NTRK3: variants seen among roughly 807,000 people sequenced by gnomAD.
The protein encoded by NTRK3 is NT-3 growth factor receptor.
NTRK3 carries 24 observed loss-of-function variants against 91.7 expected under a neutral mutation model. The observed-to-expected ratio is 0.26, with a 90% CI of 0.19 to 0.37. The LOEUF is 0.37. Among genes scored for constraint, NTRK3 ranks in the 10% least tolerant of loss-of-function variants. The pLI is 1.00. For missense variants in NTRK3, 880 were observed against 1,068.9 expected, an observed-to-expected ratio of 0.82 and a Z score of 2.46; for synonymous variants, 483 against 404.0, an observed-to-expected ratio of 1.20 and a Z score of -2.34.
chr15:88,215,469 G>A (rs778950154), intron 3 of NTRK3, among the ~76,000 whole-genome samples: 11 of 152,196 alleles, frequency 7.2e-5, no homozygotes, highest in African/African-American at 9.6e-5. Flanking sequence ...CCCCTGAAAC[G>A]TTCCGTGCTA....
At chr15:88,155,117 T>A (rs1245531789) in intron 5 of NTRK3, among the ~76,000 whole-genome samples, 1 of 152,214 alleles carries the variant, frequency 6.6e-6, no homozygotes, top group African/African-American at 2.4e-5. Flanking sequence ...AATCTGTGAA[T>A]AGGTTAACTT....
Position 87,943,845 on chromosome 15 carries a change from G to A in NTRK3, c.1586-3092C>T, listed in dbSNP as rs548312822. On this transcript the variant is annotated intron_variant, in intron 14 of 18. Transcript: ENST00000394480. The stretch of plus-strand genomic sequence containing the variant: ...GGAGTGGGGAAGCTGTGACAGCTGT[G>A]AGCCTTGAAGGTAGCAGAGGGCAAG... Among the ~76,000 whole-genome samples the A allele has an allele frequency of 2.6e-5, 4 of 152,132 alleles. No individual in the cohort carries two copies. The East Asian group carries it at 7.8e-4, about 30-fold the overall frequency.
At chr15:88,184,910 G>A (rs1241633825) in intron 3 of NTRK3, among the ~76,000 whole-genome samples, 2 of 152,138 alleles carry the variant, frequency 1.3e-5, no homozygotes, top group Non-Finnish European at 2.9e-5. Flanking sequence ...CAGAGAGTGG[G>A]GGCCACCTAA....
In NTRK3 at chr15:88,009,561, G is replaced by A. The variant is rs558711795; in HGVS notation, c.1585+23296C>T. Among the ~76,000 whole-genome samples, 5 of 152,284 alleles carry A rather than the reference G, an allele frequency of 3.3e-5. No individual in the cohort carries two copies. The South Asian group carries it at 8.3e-4, about 25-fold the overall frequency. Reference sequence around the variant, plus strand: ...GTGTGAACCTTGTCAAGTTTTACTTGCTAGCAACCAATTCAAAAAGAATGA... The same window carrying A: ...GTGTGAACCTTGTCAAGTTTTACTTACTAGCAACCAATTCAAAAAGAATGA... On this transcript the variant is annotated intron_variant, in intron 14 of 18. Coordinates refer to ENST00000394480, the Ensembl canonical transcript of NTRK3.
intron 13 of NTRK3, among the ~76,000 whole-genome samples, chr15:88,040,748 C>A (rs1278245848): frequency 6.6e-6 from 1 of 152,066 alleles, no homozygotes; most frequent in Non-Finnish European, 1.5e-5. Context: ...GACAGAACCC[C>A]AAGGATGCTG....
intron 9 of NTRK3, 151 bp downstream of exon 9, chr15:88,135,748 T>G: frequency 9.3e-7 from 1 of 1,075,698 alleles, no homozygotes; most frequent in East Asian, 2.6e-5. Context: ...AGGACTTACT[T>G]CTCAGTCCTG....
At chr15:88,109,759 T>G (rs2051127100) in intron 13 of NTRK3, among the ~76,000 whole-genome samples, 1 of 152,036 alleles carries the variant, frequency 6.6e-6, no homozygotes, top group African/African-American at 2.4e-5. Flanking sequence ...ACCCACTGGC[T>G]GGGGGAGTAG....
intron 5 of NTRK3, among the ~76,000 whole-genome samples, chr15:88,173,776 G>C (rs1490788771): frequency 6.6e-6 from 1 of 152,236 alleles, no homozygotes; most frequent in African/African-American, 2.4e-5. Context: ...AGGCTGACCA[G>C]AGTTGGCCTT....
At chr15:87,925,072 T>C (rs77318151) in intron 17 of NTRK3, among the ~76,000 whole-genome samples, 1,584 of 152,284 alleles carry the variant, frequency 0.01, 31 homozygotes, top group African/African-American at 0.036. Context: ...CTTAGAAAGA[T>C]ATAATGGTAC....
intron 14 of NTRK3, among the ~76,000 whole-genome samples, chr15:87,973,630 C>A (rs1027624761): frequency 2.0e-5 from 3 of 152,110 alleles, no homozygotes; most frequent in Non-Finnish European, 2.9e-5. Flanking sequence ...CATCAGCCAG[C>A]ATTAAAGATT....
At chr15:88,041,131 C>G (rs1219053571) in intron 13 of NTRK3, among the ~76,000 whole-genome samples, 1 of 152,192 alleles carries the variant, frequency 6.6e-6, no homozygotes, top group African/African-American at 2.4e-5. Flanking sequence ...GATATGCCAG[C>G]TCCCCTGTGA....
intron 3 of NTRK3, among the ~76,000 whole-genome samples, chr15:88,189,875 A>C (rs1292421046): frequency 6.6e-6 from 1 of 152,188 alleles, no homozygotes; most frequent in Admixed American, 6.5e-5. Context: ...ATTTTAATTA[A>C]AAATATGTCA....
At chr15:88,041,299 T>C (rs2079583991) in intron 13 of NTRK3, among the ~76,000 whole-genome samples, 1 of 152,302 alleles carries the variant, frequency 6.6e-6, no homozygotes, top group East Asian at 1.9e-4. Flanking sequence ...CCTTTACACT[T>C]GTACTTCCTT....
chr15:87,899,177 G>C (rs2066307069), intron 17 of NTRK3, among the ~76,000 whole-genome samples: 1 of 152,122 alleles, frequency 6.6e-6, no homozygotes, highest in Non-Finnish European at 1.5e-5. Context: ...ATAAGGTAAG[G>C]GATTGGATTT....
rs535130414 is a variant in NTRK3, at chr15:88,041,365, G to A, written c.1397-8320C>T. 3.3e-5 allele frequency among the ~76,000 whole-genome samples: 5 copies of A among 152,282 alleles called. No individual in the cohort carries two copies. The South Asian group carries it at 8.3e-4, about 25-fold the overall frequency. Reference sequence around the variant, plus strand: ...CTTCCCAACTCAGAAGCCCTCTTGGGAGCTGTGGTAAGCATGACTGCTATT... The same window carrying A: ...CTTCCCAACTCAGAAGCCCTCTTGGAAGCTGTGGTAAGCATGACTGCTATT... On this transcript the variant is annotated intron_variant, in intron 13 of 18. Transcript: ENST00000394480.
exon 19 of NTRK3, chr15:87,872,404 C>T (rs1181705029): frequency 8.8e-6 from 2 of 226,292 alleles, no homozygotes; most frequent in African/African-American, 4.4e-5. Flanking sequence ...TAAGACGCTG[C>T]CCTCTTTCAA....
chr15:88,242,814 G>A (rs1343261795), intron 3 of NTRK3, among the ~76,000 whole-genome samples: 1 of 152,220 alleles, frequency 6.6e-6, no homozygotes, highest in East Asian at 1.9e-4. Flanking sequence ...CCAGACACCT[G>A]GGCACCCCAC....
chr15:88,060,360 G>C (rs1326279872), intron 13 of NTRK3, among the ~76,000 whole-genome samples: 2 of 150,100 alleles, frequency 1.3e-5, no homozygotes, highest in Non-Finnish European at 3.0e-5. Flanking sequence ...CTCCAGCCTG[G>C]GTGACAGAAT....
intron 17 of NTRK3, among the ~76,000 whole-genome samples, chr15:87,896,898 A>T: frequency 6.6e-6 from 1 of 152,284 alleles, no homozygotes; most frequent in East Asian, 1.9e-4. Flanking sequence ...CTAGCTTCTT[A>T]GAGACAAACT....
Sources: gnomAD v4.1 joint callset for allele counts (sites outside exome capture counted in the v4.1 genomes callset) on GRCh38, gnomAD v4.1.1 for gene constraint, MANE v1.5 for transcripts, NCBI Gene and HGNC (gene_info 2026-07-23, HGNC 2026-07-21) for gene names.